PLXNA4: variants seen among roughly 807,000 people sequenced by gnomAD.
PLXNA4 encodes plexin A4.
Under a neutral mutation model 191.8 loss-of-function variants are expected in PLXNA4, and 44 were observed. The observed-to-expected ratio is 0.23, with a 90% CI of 0.18 to 0.29. PLXNA4 has a LOEUF of 0.29. PLXNA4 is among the 10% of genes least tolerant of loss of function. The probability of loss-of-function intolerance (pLI) is 1.00; values close to 1 mark genes in which losing one functional copy is unlikely to be tolerated. For synonymous variants in PLXNA4, 1,082 were observed against 1,009.5 expected, an observed-to-expected ratio of 1.07 and a Z score of -1.36; for missense variants, 1,800 against 2,488.8, an observed-to-expected ratio of 0.72 and a Z score of 5.89.
intron 3 of PLXNA4, among the ~76,000 whole-genome samples, chr7:132,335,558 C>T (rs1192662384): frequency 2.0e-5 from 3 of 152,180 alleles, no homozygotes; most frequent in African/African-American, 7.2e-5. Flanking sequence ...CCGGCACCGG[C>T]CTTTTTAGCT....
intron 3 of PLXNA4, among the ~76,000 whole-genome samples, chr7:132,380,367 G>C (rs1392723644): frequency 6.6e-6 from 1 of 152,152 alleles, no homozygotes; most frequent in African/African-American, 2.4e-5. Flanking sequence ...TTCCTCCACT[G>C]CAATACTGTG....
intron 21 of PLXNA4, among the ~76,000 whole-genome samples, chr7:132,169,393 G>C (rs1346230219): frequency 6.6e-6 from 1 of 152,242 alleles, no homozygotes; most frequent in Non-Finnish European, 1.5e-5. Context: ...GATGTCCAGG[G>C]GTGTGCATTG....
intron 2 of PLXNA4, among the ~76,000 whole-genome samples, chr7:132,603,455 A>G (rs566735194): frequency 6.6e-6 from 1 of 152,308 alleles, no homozygotes; most frequent in South Asian, 2.1e-4. Context: ...CTGGTCTCTA[A>G]GCAAAAGATT....
At chr7:132,390,622 A>T (rs1805366975) in intron 3 of PLXNA4, among the ~76,000 whole-genome samples, 1 of 152,198 alleles carries the variant, frequency 6.6e-6, no homozygotes, top group African/African-American at 2.4e-5. Context: ...CACAGCCATC[A>T]TTAACTTCTC....
intron 4 of PLXNA4, among the ~76,000 whole-genome samples, chr7:132,295,774 T>C (rs1801055458): frequency 1.3e-5 from 2 of 152,170 alleles, no homozygotes; most frequent in African/African-American, 4.8e-5. Flanking sequence ...GGCCAGTGTC[T>C]GGAAACTCCT....
intron 2 of PLXNA4, among the ~76,000 whole-genome samples, chr7:132,594,203 A>G (rs1802657763): frequency 6.6e-6 from 1 of 152,242 alleles, no homozygotes. Context: ...ATGGGAGCCT[A>G]ATCCAACATG....
chr7:132,484,268 T>C (rs1021696267), intron 3 of PLXNA4, among the ~76,000 whole-genome samples: 1 of 152,156 alleles, frequency 6.6e-6, no homozygotes, highest in Non-Finnish European at 1.5e-5. Context: ...GCAAGATCAG[T>C]CTGAAGGGCC....
In PLXNA4 at chr7:132,124,087, C is replaced by T. The variant is rs891160583; in HGVS notation, c.*6392G>A. 6.6e-6 allele frequency: 1 copy of T among 152,242 alleles called. No homozygotes were observed. The highest frequency in any genetic ancestry group is 1.9e-4 in the East Asian group (1 of 5,202). The allele number at this position is 152,242 out of a possible 1,614,324, so 9.4% of individuals were successfully genotyped here. A position where few individuals can be genotyped will look rare whatever the true frequency, so the allele number is the denominator to read the frequency against. ...CACCTCAGGGCCTGGAGGCCTTGTTCCTGCTCAAAGCAGCCAACACACGAC... is the reference window on the plus strand; with the variant it reads ...CACCTCAGGGCCTGGAGGCCTTGTTTCTGCTCAAAGCAGCCAACACACGAC... On this transcript the variant is annotated 3_prime_UTR_variant, in exon 32 of 32. Coordinates refer to ENST00000321063, the MANE Select transcript of PLXNA4 (RefSeq NM_020911.2).
At chr7:132,437,282 G>C (rs188282675) in intron 3 of PLXNA4, among the ~76,000 whole-genome samples, 474 of 152,296 alleles carry the variant, frequency 3.1e-3, no homozygotes, top group Middle Eastern at 0.01. Context: ...ATCCTGAAAA[G>C]TCCAGGCCTG....
At chr7:132,395,820 AT>A (rs1793734300) in intron 3 of PLXNA4, among the ~76,000 whole-genome samples, 2 of 152,250 alleles carry the variant, frequency 1.3e-5, no homozygotes, top group Admixed American at 6.5e-5. Context: ...GAAACAAATG[AT>A]GAAGCCAGTT....
At chr7:132,148,710 C>A (rs1795506874) in intron 25 of PLXNA4, 64 bp from the exon 26 acceptor site, 1 of 1,607,368 alleles carries the variant, frequency 6.2e-7, no homozygotes, top group African/African-American at 1.3e-5. Flanking sequence ...AAGCTGAGGA[C>A]CCTGTGTAGG....
intron 3 of PLXNA4, among the ~76,000 whole-genome samples, chr7:132,435,359 C>T (rs1795430264): frequency 6.6e-6 from 1 of 152,098 alleles, no homozygotes; most frequent in South Asian, 2.1e-4. Context: ...TCCATGACAA[C>T]CACTACTTAA....
intron 29 of PLXNA4, among the ~76,000 whole-genome samples, chr7:132,144,335 G>A (rs528897103): frequency 1.6e-4 from 25 of 152,294 alleles, no homozygotes; most frequent in African/African-American, 5.3e-4. Flanking sequence ...ACTGATGTGC[G>A]ATCTTGAAAT....
chr7:132,252,376 A>G (rs1487363644), intron 4 of PLXNA4, among the ~76,000 whole-genome samples: 1 of 116,270 alleles, frequency 8.6e-6, no homozygotes, highest in Non-Finnish European at 1.6e-5. Context: ...CAGTGGTGTG[A>G]TTGTGGCTCA....
intron 3 of PLXNA4, among the ~76,000 whole-genome samples, chr7:132,469,809 G>A (rs1032425498): frequency 3.3e-5 from 5 of 152,198 alleles, no homozygotes; most frequent in African/African-American, 9.6e-5. Flanking sequence ...ACTGTTAAGC[G>A]GAAGATGGCA....
At chr7:132,396,490 TTA>T (rs1793764594) in intron 3 of PLXNA4, among the ~76,000 whole-genome samples, 2 of 152,030 alleles carry the variant, frequency 1.3e-5, no homozygotes, top group Admixed American at 1.3e-4. Context: ...TTTGGGTTTT[TTA>T]TTTTTTTTGT....
chr7:132,624,387 G>A (rs1057340189), intron 2 of PLXNA4, among the ~76,000 whole-genome samples: 1 of 152,194 alleles, frequency 6.6e-6, no homozygotes, highest in Non-Finnish European at 1.5e-5. Flanking sequence ...ATGGCTACAG[G>A]TTCTGTCTCT....
chr7:132,385,400 C>T (rs188544537), intron 3 of PLXNA4: 10 of 1,413,790 alleles, frequency 7.1e-6, no homozygotes, highest in African/African-American at 1.4e-5. Context: ...ATATGTATTA[C>T]AGTTCTGAAA....
chr7:132,505,554 G>A (rs1318380596), intron 2 of PLXNA4, among the ~76,000 whole-genome samples: 2 of 152,156 alleles, frequency 1.3e-5, no homozygotes, highest in Non-Finnish European at 2.9e-5. Flanking sequence ...ATGCTCGTGG[G>A]GAATTTATTA....
Sources: allele counts gnomAD v4.1 joint callset (sites outside exome capture counted in the v4.1 genomes callset), GRCh38; gene constraint gnomAD v4.1.1; transcripts MANE v1.5; gene names NCBI Gene and HGNC (gene_info 2026-07-23, HGNC 2026-07-21).